The following ENPEP variants were observed in gnomAD, a reference collection of about 807,000 sequenced individuals.
ENPEP encodes AP-A.
In ENPEP, 103 loss-of-function variants were observed where a neutral mutation model predicts 114.5. That is an observed-to-expected ratio of 0.90 (90% CI 0.77 to 1.06). The LOEUF (loss-of-function observed/expected upper bound fraction) is 1.06, where lower values mean the gene tolerates loss of function less well. Ranked by LOEUF, ENPEP falls within the 50% of genes least tolerant of loss-of-function variation. The pLI, the probability that ENPEP is intolerant of heterozygous loss-of-function variation, is 0.00. For synonymous variants in ENPEP, 420 were observed against 422.0 expected (o/e 1.00, Z 0.06); for missense variants, 1,196 against 1,161.3 (o/e 1.03, Z -0.43).
At chr4:110,498,278 T>C (rs1333435955) in intron 3 of ENPEP, among the ~76,000 whole-genome samples, 1 of 152,090 alleles carries the variant, frequency 6.6e-6, no homozygotes, top group Non-Finnish European at 1.5e-5. Flanking sequence ...TCTCAGCTTG[T>C]TTTTGGGGGA....
rs1422947144 is a variant in ENPEP, at chr4:110,506,746, T to C, written c.1028T>C (p.Leu343Pro). The change falls in exon 4 of 20, where the codon CTT becomes CCT. Residue 343 changes from leucine to proline, a missense_variant. Coordinates refer to ENST00000265162, the MANE Select transcript of ENPEP (RefSeq NM_001977.4). ...FEEYFAMNYS[L>P]PKLDKIAIPD... The stretch of plus-strand genomic sequence containing the variant: ...GAATACTTTGCTATGAATTATTCTC[T>C]TCCTAAATTAGGTGAGGATCATTTT... The C allele has an allele frequency of 1.3e-6, 2 of 1,572,080 alleles. No homozygotes were observed. Among genetic ancestry groups the C allele is most frequent in the Admixed American group, 1.8e-5 (1 of 56,666 alleles).
chr4:110,488,357 G>A (rs1724579243), intron 1 of ENPEP, among the ~76,000 whole-genome samples, 184 bp from the exon 2 acceptor site: 1 of 152,152 alleles, frequency 6.6e-6, no homozygotes, highest in Non-Finnish European at 1.5e-5. Flanking sequence ...TTAAAAATTT[G>A]TTAAGCTAAA....
At position 110,564,555 on chromosome 4, in the gene ENPEP, C is replaced by A. The variant is rs1727769443; in HGVS notation, c.*2997C>A. Reference sequence around the variant, plus strand: ...GCTCTTATTATTGTTACTATTATATCTCCCCATCCCTACTTAAGACACTAG... The same window carrying A: ...GCTCTTATTATTGTTACTATTATATATCCCCATCCCTACTTAAGACACTAG... On this transcript the variant is annotated 3_prime_UTR_variant, in exon 20 of 20. Transcript: ENST00000265162. The A allele has an allele frequency of 6.6e-6, 1 of 152,126 alleles. No homozygotes were observed. Among genetic ancestry groups the A allele is most frequent in the African/African-American group, 2.4e-5 (1 of 41,426 alleles). 9.4% of individuals were successfully genotyped at this position (152,126 alleles called of 1,614,324 possible).
At chr4:110,502,366 G>A (rs923059462) in intron 3 of ENPEP, among the ~76,000 whole-genome samples, 1 of 152,152 alleles carries the variant, frequency 6.6e-6, no homozygotes, top group African/African-American at 2.4e-5. Context: ...CCTATGTCTG[G>A]AATGGTATTT....
chr4:110,522,629 C>T (rs1174127734), intron 10 of ENPEP, among the ~76,000 whole-genome samples: 2 of 152,174 alleles, frequency 1.3e-5, no homozygotes, highest in Non-Finnish European at 2.9e-5. Context: ...TACGTAGATA[C>T]ACCCTCACAA....
intron 1 of ENPEP, among the ~76,000 whole-genome samples, chr4:110,481,044 A>G (rs1431626408): frequency 6.6e-6 from 1 of 152,114 alleles, no homozygotes; most frequent in Non-Finnish European, 1.5e-5. Flanking sequence ...CTTCTCTCCA[A>G]GATTTGGCTT....
chr4:110,542,644 G>A, intron 11 of ENPEP, 107 bp from the exon 12 acceptor site: 2 of 1,168,190 alleles, frequency 1.7e-6, no homozygotes, highest in Non-Finnish European at 2.3e-6. Context: ...GCCTCCTTGA[G>A]CTAATATTTC....
chr4:110,522,005 AG>A (rs942146458), intron 10 of ENPEP, among the ~76,000 whole-genome samples: 1 of 151,742 alleles, frequency 6.6e-6, no homozygotes, highest in African/African-American at 2.4e-5. Context: ...CAACCTCCCA[AG>A]TAGCTGGGAT....
At chr4:110,496,748 T>G (rs979848733) in intron 3 of ENPEP, among the ~76,000 whole-genome samples, 1 of 152,246 alleles carries the variant, frequency 6.6e-6, no homozygotes, top group Admixed American at 6.5e-5. Flanking sequence ...AAGATTAGAC[T>G]GAGGCTTTGG....
chr4:110,499,862 CTAT>C (rs1188071271), intron 3 of ENPEP, among the ~76,000 whole-genome samples: 1 of 152,060 alleles, frequency 6.6e-6, no homozygotes, highest in African/African-American at 2.4e-5. Context: ...AATATTTTTT[CTAT>C]TATTATTAAT....
chr4:110,508,429 ATG>A (rs1258088744), intron 4 of ENPEP, among the ~76,000 whole-genome samples: 3 of 152,210 alleles, frequency 2.0e-5, no homozygotes, highest in Admixed American at 6.5e-5. Context: ...AAACCTAAAA[ATG>A]AGATAACATG....
At chr4:110,520,747 T>TAGAC (rs573859429) in intron 10 of ENPEP, among the ~76,000 whole-genome samples, 122 of 152,268 alleles carry the variant, frequency 8.0e-4, no homozygotes, top group African/African-American at 2.8e-3. Context: ...TCCCTATCCC[T>TAGAC]AGACAGGTTC....
rs749499289 is a variant in ENPEP, at chr4:110,506,623, GT to G, written c.919-10del. On this transcript the variant is annotated splice_polypyrimidine_tract_variant and intron_variant, in intron 3 of 19. Coordinates refer to ENST00000265162, the MANE Select transcript of ENPEP (RefSeq NM_001977.4). ...GAATAATTTTCACTGAATTTTTTGT[GT>G]TTTGTTTAATAGCTTACAATTTATG... 6 of 1,578,904 alleles carry G rather than the reference GT, an allele frequency of 3.8e-6. No individual in the cohort carries two copies. The African/African-American group carries it at 8.2e-5, about 22-fold the overall frequency.
At chr4:110,552,040 T>A (rs1727309123) in intron 17 of ENPEP, among the ~76,000 whole-genome samples, 1 of 152,176 alleles carries the variant, frequency 6.6e-6, no homozygotes, top group African/African-American at 2.4e-5. Flanking sequence ...GTACCTGTGC[T>A]GTATGTATGG....
At chr4:110,500,954 G>A (rs1725130780) in intron 3 of ENPEP, among the ~76,000 whole-genome samples, 1 of 152,112 alleles carries the variant, frequency 6.6e-6, no homozygotes, top group Admixed American at 6.6e-5. Flanking sequence ...AAAGTGTGGT[G>A]AGGATGAGTG....
intron 18 of ENPEP, among the ~76,000 whole-genome samples, chr4:110,558,515 G>C (rs1727571520): frequency 6.6e-6 from 1 of 151,996 alleles, no homozygotes; most frequent in Non-Finnish European, 1.5e-5. Flanking sequence ...GGGTGGTCTT[G>C]AGCTCCTGAC....
chr4:110,549,353 T>C lies in ENPEP; in HGVS notation c.2159T>C (p.Phe720Ser), dbSNP rs772922986. The change falls in exon 15 of 20, where the codon TTC (phenylalanine) becomes TCC (serine). Residue 720 changes from phenylalanine (F) to serine (S), a missense_variant. By Grantham distance (155) the Phe-to-Ser change is radical (BLOSUM62 -2). Transcript: ENST00000265162. ...ATAATACTTTTATTTCAGGAATACT[T>C]CCAAGGTCAAGTGAAGCCTATTGCA... The part of the protein sequence containing the change: ...KELYPMIEEY[F>S]QGQVKPIADS... The C allele has an allele frequency of 1.2e-6, 2 of 1,612,778 alleles. No individual in the cohort carries two copies. The highest frequency in any genetic ancestry group is 1.7e-6 in the Non-Finnish European group (2 of 1,179,088).
Position 110,488,642 on chromosome 4 carries a change from A to C in ENPEP, c.746A>C (p.His249Pro), listed in dbSNP as rs1211983070. ...KKATYTISIT[H>P]PKEYGALSNM... ...GCAACTTATACAATATCTATCACCCATCCCAAAGAATACGGAGCACTTTCA... is the reference window on the plus strand; with the variant it reads ...GCAACTTATACAATATCTATCACCCCTCCCAAAGAATACGGAGCACTTTCA... Residue 249 changes from histidine to proline, a missense_variant, in exon 2 of 20, where the codon CAT (histidine) becomes CCT (proline). Coordinates refer to ENST00000265162, the MANE Select transcript of ENPEP (RefSeq NM_001977.4). 3.0e-5 allele frequency: 48 copies of C among 1,613,230 alleles called. No individual in the cohort carries two copies. Among genetic ancestry groups the C allele is most frequent in the Non-Finnish European group, 4.1e-5 (48 of 1,179,786 alleles).
chr4:110,545,287 G>T (rs1479434359), intron 13 of ENPEP, among the ~76,000 whole-genome samples: 2 of 152,012 alleles, frequency 1.3e-5, no homozygotes, highest in Non-Finnish European at 2.9e-5. Context: ...CTTCCAACTT[G>T]ATGTGAAGAG....
Sources: gnomAD v4.1 joint callset for allele counts (sites outside exome capture counted in the v4.1 genomes callset) on GRCh38, gnomAD v4.1.1 for gene constraint, MANE v1.5 for transcripts, NCBI Gene and HGNC (gene_info 2026-07-23, HGNC 2026-07-21) for gene names.